The following PTGER3 variants were observed in gnomAD, a reference collection of about 807,000 sequenced individuals.
The protein encoded by PTGER3 is prostaglandin E2 receptor EP3 subtype.
In PTGER3, 22 loss-of-function variants were observed where a neutral mutation model predicts 34.7. The observed-to-expected ratio is 0.63, with a 90% CI of 0.45 to 0.91. PTGER3 has a LOEUF of 0.91. Ranked by LOEUF, PTGER3 falls within the 40% of genes least tolerant of loss-of-function variation. The pLI, the probability that PTGER3 is intolerant of heterozygous loss-of-function variation, is 0.00. For missense variants in PTGER3, 468 were observed against 519.4 expected (o/e 0.90, Z 0.96); for synonymous variants, 241 against 230.1 (o/e 1.05, Z -0.43).
chr1:70,853,779 T>C (rs2100425421), intron 4 of PTGER3, among the ~76,000 whole-genome samples: 2 of 152,282 alleles, frequency 1.3e-5, no homozygotes, highest in East Asian at 3.9e-4. Flanking sequence ...GACAGACATA[T>C]GGATCAATAG....
At chr1:70,852,772 T>G in exon 5 of PTGER3, 1 of 1,574,524 alleles carries the variant, frequency 6.4e-7, no homozygotes. Context: ...TTCTGTGATT[T>G]TTTTTTCTTT....
intron 2 of PTGER3, among the ~76,000 whole-genome samples, chr1:70,956,221 T>C (rs1380967086): frequency 1.3e-5 from 2 of 152,208 alleles, no homozygotes; most frequent in Non-Finnish European, 2.9e-5. Flanking sequence ...TTTATATTTA[T>C]AATTAGCCTT....
chr1:70,936,352 G>A (rs1313557064), intron 4 of PTGER3, among the ~76,000 whole-genome samples: 1 of 152,180 alleles, frequency 6.6e-6, no homozygotes, highest in Non-Finnish European at 1.5e-5. Context: ...AGAGGCTGGT[G>A]TGAGAGTAGT....
intron 2 of PTGER3, chr1:71,006,099 G>A (rs1656933518): frequency 2.2e-6 from 2 of 904,236 alleles, no homozygotes; most frequent in African/African-American, 1.8e-5. Flanking sequence ...TAGAACACTG[G>A]AACTTATTTC....
chr1:70,984,046 T>G (rs1371761845), intron 2 of PTGER3, among the ~76,000 whole-genome samples: 1 of 152,190 alleles, frequency 6.6e-6, no homozygotes, highest in Non-Finnish European at 1.5e-5. Context: ...GTTTAGCTGT[T>G]GTGACTATCT....
intron 4 of PTGER3, among the ~76,000 whole-genome samples, chr1:70,896,943 G>A (rs1646733403): frequency 6.6e-6 from 1 of 152,074 alleles, no homozygotes; most frequent in South Asian, 2.1e-4. Context: ...TTCTTTCCCT[G>A]TAGTTTGAGT....
intron 4 of PTGER3, among the ~76,000 whole-genome samples, chr1:70,899,729 A>G (rs1355766224): frequency 6.6e-6 from 1 of 152,066 alleles, no homozygotes; most frequent in Non-Finnish European, 1.5e-5. Flanking sequence ...GAGTAGAAAC[A>G]GAAATCAGTT....
chr1:70,896,484 TA>T (rs1177495507), intron 4 of PTGER3, among the ~76,000 whole-genome samples: 1 of 152,154 alleles, frequency 6.6e-6, no homozygotes, highest in Non-Finnish European at 1.5e-5. Flanking sequence ...CAGTCCTCAG[TA>T]GAGACCAGCC....
chr1:71,024,295 G>A (rs907044174), intron 1 of PTGER3, among the ~76,000 whole-genome samples: 7 of 152,038 alleles, frequency 4.6e-5, no homozygotes, highest in East Asian at 1.9e-4. Context: ...TATTTCGTGC[G>A]TGGTCTTGAA....
At chr1:70,991,457 G>C (rs1453442609) in intron 2 of PTGER3, among the ~76,000 whole-genome samples, 1 of 152,062 alleles carries the variant, frequency 6.6e-6, no homozygotes, top group Admixed American at 6.6e-5. Context: ...AGAATACTAG[G>C]GTATAGAGAA....
intron 2 of PTGER3, chr1:71,006,627 C>T (rs901792443): frequency 6.2e-5 from 61 of 978,294 alleles, no homozygotes; most frequent in Non-Finnish European, 6.9e-5. Context: ...TGTTGAAAAT[C>T]GGAAAAGAGC....
chr1:71,041,742 T>A (rs1446190368), intron 1 of PTGER3, among the ~76,000 whole-genome samples: 1 of 152,226 alleles, frequency 6.6e-6, no homozygotes, highest in African/African-American at 2.4e-5. Flanking sequence ...TTTGACATGT[T>A]ACAGTTGTAG....
chr1:71,031,657 T>C (rs1462924408), intron 1 of PTGER3, among the ~76,000 whole-genome samples: 1 of 152,214 alleles, frequency 6.6e-6, no homozygotes, highest in Non-Finnish European at 1.5e-5. Flanking sequence ...ACTTTGGCTG[T>C]GCAGCCTGAA....
downstream of PTGER3, among the ~76,000 whole-genome samples, chr1:70,966,180 A>G (rs1652494709): frequency 6.6e-6 from 1 of 152,184 alleles, no homozygotes; most frequent in African/African-American, 2.4e-5. Context: ...ATTTTATTGT[A>G]CAGGCTATAT....
intron 1 of PTGER3, among the ~76,000 whole-genome samples, chr1:71,015,918 ATGCT>A (rs1657850694): frequency 6.6e-6 from 1 of 152,134 alleles, no homozygotes; most frequent in Non-Finnish European, 1.5e-5. Context: ...AGGCAAACTC[ATGCT>A]CTGGGGCTTG....
At chr1:71,018,765 G>A (rs889168717) in intron 1 of PTGER3, among the ~76,000 whole-genome samples, 9 of 152,082 alleles carry the variant, frequency 5.9e-5, no homozygotes, top group Admixed American at 1.3e-4. Context: ...ATTAATTTTT[G>A]TGAGGCTAAT....
At chr1:70,952,944 T>A (rs1299290259) in exon 4 of PTGER3, 12 of 1,613,162 alleles carry the variant, frequency 7.4e-6, no homozygotes, top group Non-Finnish European at 1.0e-5. Context: ...GGTGTACACA[T>A]TAATGCTGCT....
rs376786533 is a variant in PTGER3, at chr1:70,961,944, G to A, written c.1078-8155C>T. Among the ~76,000 whole-genome samples, 48 of 152,282 alleles carry A rather than the reference G, an allele frequency of 3.2e-4. No homozygotes were observed. The Middle Eastern group carries it at 0.014, about 43-fold the overall frequency. The stretch of plus-strand genomic sequence containing the variant: ...TTCCAGCCACAAACTCAAAGTTGAG[G>A]CACCCTGTAAATGGCTTTCTTTGGA... On this transcript the variant is annotated intron_variant, in intron 2 of 3. Coordinates refer to the PTGER3 transcript ENST00000356595.
intron 4 of PTGER3, among the ~76,000 whole-genome samples, chr1:70,911,958 A>G (rs986880303): frequency 5.6e-4 from 85 of 152,062 alleles, no homozygotes; most frequent in African/African-American, 2.0e-3. Context: ...GATCCCAAAT[A>G]TTCACCATTA....
Sources: gnomAD v4.1 joint callset for allele counts (sites outside exome capture counted in the v4.1 genomes callset) on GRCh38, gnomAD v4.1.1 for gene constraint, MANE v1.5 for transcripts, NCBI Gene and HGNC (gene_info 2026-07-23, HGNC 2026-07-21) for gene names.